Variants in PFDN1 observed in about 807,000 individuals in gnomAD.
PFDN1 encodes the protein prefoldin subunit 1, also known as prefoldin 1.
A neutral mutation model predicts 17.3 loss-of-function variants in PFDN1; 6 were observed. The observed-to-expected ratio is 0.35, with a 90% confidence interval of 0.19 to 0.69. PFDN1 has a LOEUF of 0.69. Among genes scored for constraint, PFDN1 ranks in the 30% least tolerant of loss-of-function variants. The pLI, the probability that PFDN1 is intolerant of heterozygous loss-of-function variation, is 0.65. For missense variants in PFDN1, 113 were observed against 146.2 expected, an observed-to-expected ratio of 0.77 and a Z score of 1.17; for synonymous variants, 58 against 50.1, an observed-to-expected ratio of 1.16 and a Z score of -0.67.
intron 1 of PFDN1, among the ~76,000 whole-genome samples, chr5:140,301,231 T>C (rs1765740873): frequency 6.6e-6 from 1 of 152,166 alleles, no homozygotes; most frequent in African/African-American, 2.4e-5. Context: ...CCACTGTCTA[T>C]AGTAATATTC....
Position 140,245,911 on chromosome 5 carries a change from G to T in PFDN1, c.*63C>A. ...GCAGAGGAGAAGCTGTTTCCCTGCA[G>T]ACACTCCTCTGCCCCCACCAGGAAT... On this transcript the variant is annotated 3_prime_UTR_variant, in exon 4 of 4. Transcript: ENST00000261813. 1 of 919,900 alleles carries T rather than the reference G, an allele frequency of 1.1e-6. No individual in the cohort carries two copies. The highest frequency in any genetic ancestry group is 1.7e-6 in the Non-Finnish European group (1 of 572,702). The allele number at this position is 919,900 out of a possible 1,614,324, so 57.0% of individuals were successfully genotyped here.
chr5:140,263,793 G>C (rs1765097177), intron 3 of PFDN1, among the ~76,000 whole-genome samples: 1 of 151,784 alleles, frequency 6.6e-6, no homozygotes, highest in Non-Finnish European at 1.5e-5. Flanking sequence ...AGGCTGAGGT[G>C]GGCAGATCAC....
intron 3 of PFDN1, among the ~76,000 whole-genome samples, chr5:140,264,618 T>C (rs182432694): frequency 1.3e-5 from 2 of 152,078 alleles, no homozygotes; most frequent in East Asian, 3.9e-4. Context: ...GTGGGAGGAC[T>C]GCTCAAGGCC....
chr5:140,268,281 G>GT (rs1442325872), intron 3 of PFDN1, among the ~76,000 whole-genome samples: 16 of 152,092 alleles, frequency 1.1e-4, no homozygotes, highest in African/African-American at 3.9e-4. Flanking sequence ...TGAAAATGGT[G>GT]TAACTGTTTG....
intron 2 of PFDN1, among the ~76,000 whole-genome samples, chr5:140,288,916 C>T (rs1456145265): frequency 1.3e-5 from 2 of 150,516 alleles, no homozygotes; most frequent in East Asian, 2.0e-4. Context: ...ACCCAGAAGG[C>T]GGAGTTTGCA....
chr5:140,258,588 A>C (rs1341567535), intron 3 of PFDN1, among the ~76,000 whole-genome samples: 1 of 152,218 alleles, frequency 6.6e-6, no homozygotes, highest in African/African-American at 2.4e-5. Flanking sequence ...AAGAGCAGAT[A>C]GATTTCTGAA....
At chr5:140,281,208 T>C (rs796373228) in intron 3 of PFDN1, 1 of 360,366 alleles carries the variant, frequency 2.8e-6, no homozygotes, top group African/African-American at 2.1e-5. Context: ...TACATTCAGG[T>C]TAAAACCATC....
At chr5:140,249,611 A>G (rs1351869562) in intron 3 of PFDN1, among the ~76,000 whole-genome samples, 2 of 152,148 alleles carry the variant, frequency 1.3e-5, no homozygotes, top group African/African-American at 4.8e-5. Flanking sequence ...TATGAAGAAA[A>G]GAGGTTTGTT....
intron 3 of PFDN1, among the ~76,000 whole-genome samples, chr5:140,270,604 T>C (rs187412155): frequency 1.3e-3 from 203 of 152,266 alleles, no homozygotes; most frequent in Non-Finnish European, 2.6e-3. Flanking sequence ...TATTTCAAGA[T>C]AAATAAGGAA....
intron 3 of PFDN1, among the ~76,000 whole-genome samples, chr5:140,249,497 AG>A (rs1359744170): frequency 6.6e-6 from 1 of 152,190 alleles, no homozygotes; most frequent in African/African-American, 2.4e-5. Context: ...GAGGCGTGGC[AG>A]GATTGGTCCT....
intron 2 of PFDN1, among the ~76,000 whole-genome samples, chr5:140,291,506 T>C (rs773094238): frequency 6.6e-6 from 1 of 152,108 alleles, no homozygotes; most frequent in Non-Finnish European, 1.5e-5. Flanking sequence ...AGATGCCTAT[T>C]AGACCATCAC....
rs936278157 is a variant in PFDN1, at chr5:140,254,854, G to C, written c.286-8797C>G. Among the ~76,000 whole-genome samples the C allele has an allele frequency of 2.0e-5, 3 of 152,016 alleles. No homozygotes were observed. The highest frequency in any genetic ancestry group is 7.3e-5 in the African/African-American group (3 of 41,360). ...CTTCCTACCCAGCTTTGCTTATATA[G>C]TCCATCATTTATATTTATTCTCCTT... is the stretch of plus-strand genomic sequence containing the variant. On this transcript the variant is annotated intron_variant, in intron 3 of 3. Transcript: ENST00000261813. The surrounding 1 kb of genome is among the most constrained non-coding windows in gnomAD (Gnocchi z 4.4).
intron 3 of PFDN1, chr5:140,273,867 C>T (rs918037907): frequency 1.0e-6 from 1 of 980,150 alleles, no homozygotes; most frequent in African/African-American, 1.8e-5. Flanking sequence ...CCTGTATATG[C>T]ATGTGCCTAA....
intron 2 of PFDN1, among the ~76,000 whole-genome samples, chr5:140,283,123 T>G (rs763206549): frequency 3.2e-4 from 48 of 152,214 alleles, no homozygotes; most frequent in Non-Finnish European, 6.2e-4. Flanking sequence ...GGAAGGAAAC[T>G]GCCTTGTCCC....
At chr5:140,269,616 G>A (rs2337082) in intron 3 of PFDN1, among the ~76,000 whole-genome samples, 71,780 of 152,130 alleles carry the variant, frequency 0.47, 17,168 homozygotes, top group South Asian at 0.71. Flanking sequence ...ACCGTGACCC[G>A]CCTTTAACTT....
At chr5:140,264,013 T>C (rs1765101178) in intron 3 of PFDN1, among the ~76,000 whole-genome samples, 1 of 60,284 alleles carries the variant, frequency 1.7e-5, no homozygotes, top group African/African-American at 6.6e-5. Flanking sequence ...AGAGTGAGAC[T>C]CCATCTCAAA....
At chr5:140,262,594 G>A (rs1247566576) in intron 3 of PFDN1, 4 of 453,402 alleles carry the variant, frequency 8.8e-6, no homozygotes, top group Non-Finnish European at 1.3e-5. Flanking sequence ...TGCTTCATAT[G>A]GAATGAAAAA....
At chr5:140,300,970 GT>G (rs1376665377) in intron 1 of PFDN1, among the ~76,000 whole-genome samples, 2 of 152,150 alleles carry the variant, frequency 1.3e-5, no homozygotes, top group African/African-American at 4.8e-5. Context: ...TCTCACATTA[GT>G]TTGAAATATT....
At chr5:140,277,321 A>T (rs1314607123) in intron 3 of PFDN1, among the ~76,000 whole-genome samples, 1 of 152,190 alleles carries the variant, frequency 6.6e-6, no homozygotes, top group Non-Finnish European at 1.5e-5. Context: ...TAGAAAGGTC[A>T]TTCTAACTTA....
Sources: allele counts gnomAD v4.1 joint callset (sites outside exome capture counted in the v4.1 genomes callset), GRCh38; gene constraint gnomAD v4.1.1; non-coding constraint Gnocchi (gnomAD v3.1); transcripts MANE v1.5; gene names NCBI Gene and HGNC (gene_info 2026-07-23, HGNC 2026-07-21).